PALLD: variants seen among roughly 807,000 people sequenced by gnomAD.
PALLD encodes the protein palladin, cytoskeletal associated protein.
Under a neutral mutation model 123.5 loss-of-function variants are expected in PALLD, and 61 were observed. That is an observed-to-expected ratio of 0.49 (90% CI 0.40 to 0.61). The LOEUF is 0.61. Ranked by LOEUF, PALLD falls within the 20% of genes least tolerant of loss-of-function variation. The pLI is 0.00. For synonymous variants in PALLD, 465 were observed against 496.4 expected, an observed-to-expected ratio of 0.94 and a Z score of 0.84; for missense variants, 1,273 against 1,377.0, an observed-to-expected ratio of 0.92 and a Z score of 1.20.
intron 10 of PALLD, among the ~76,000 whole-genome samples, chr4:168,812,489 G>A (rs1741308727): frequency 1.3e-5 from 2 of 152,170 alleles, no homozygotes; most frequent in Non-Finnish European, 2.9e-5. Flanking sequence ...GGAACAGGGA[G>A]TTGGGCAGAA....
intron 10 of PALLD, among the ~76,000 whole-genome samples, chr4:168,840,642 CTAAAAG>C (rs1016815877): frequency 6.6e-5 from 10 of 151,952 alleles, no homozygotes; most frequent in African/African-American, 2.4e-4. Context: ...GACAGCTCAC[CTAAAAG>C]TTATTTGGAA....
chr4:168,739,041 T>C (rs751116794), intron 10 of PALLD, among the ~76,000 whole-genome samples: 1 of 152,238 alleles, frequency 6.6e-6, no homozygotes, highest in Non-Finnish European at 1.5e-5. Context: ...TTTCTTTGTC[T>C]GGATTATTTC....
intron 10 of PALLD, among the ~76,000 whole-genome samples, chr4:168,747,945 C>T (rs761981837): frequency 3.9e-5 from 6 of 152,100 alleles, no homozygotes; most frequent in Non-Finnish European, 8.8e-5. Context: ...TGGGAAAAGT[C>T]GGATCCTTTT....
chr4:168,883,133 T>C (rs1752857641), intron 10 of PALLD, among the ~76,000 whole-genome samples: 1 of 152,150 alleles, frequency 6.6e-6, no homozygotes, highest in South Asian at 2.1e-4. Flanking sequence ...TCATTTTCTT[T>C]TTTAAAGAAC....
At chr4:168,609,192 T>G (rs1773489928) in intron 2 of PALLD, among the ~76,000 whole-genome samples, 1 of 151,902 alleles carries the variant, frequency 6.6e-6, no homozygotes, top group Non-Finnish European at 1.5e-5. Context: ...TTGCAGTGGC[T>G]TACATTAATA....
Position 168,913,954 on chromosome 4 carries a change from A to G in PALLD, c.2650A>G (p.Met884Val), listed in dbSNP as rs1438781222. ...QGRISCTGRL[M>V]VQAVNQRGRS... ...CCGCATCAGTTGTACTGGACGGCTA[A>G]TGGTACAGGCTGTCAACCAAAGAGG... Residue 884 changes from methionine (M) to valine (V), a missense_variant, in exon 16 of 22, where the codon ATG becomes GTG. By Grantham distance (21) the Met-to-Val change is conservative. Transcript: ENST00000505667. 1.9e-6 allele frequency: 3 copies of G among 1,612,978 alleles called. No homozygotes were observed. Among genetic ancestry groups the G allele is most frequent in the Non-Finnish European group, 2.5e-6 (3 of 1,178,940 alleles).
intron 10 of PALLD, among the ~76,000 whole-genome samples, chr4:168,772,194 G>A (rs1309279100): frequency 6.6e-6 from 1 of 152,096 alleles, no homozygotes; most frequent in Non-Finnish European, 1.5e-5. Context: ...TTCTTAAAAC[G>A]ACTAGAGGGA....
intron 10 of PALLD, among the ~76,000 whole-genome samples, chr4:168,860,553 G>C (rs1467394908): frequency 6.6e-6 from 1 of 152,230 alleles, no homozygotes; most frequent in Non-Finnish European, 1.5e-5. Context: ...GCCAGGCGCA[G>C]TGGCTACTGC....
rs539598697 is a variant in PALLD, at chr4:168,789,481, C to T, written c.1964+77558C>T. The stretch of plus-strand genomic sequence containing the variant: ...CAGCACTTTGGGAGGCCGAGGCAGG[C>T]GGATCACAAGGTCAAGAGATTGAGA... On this transcript the variant is annotated intron_variant, in intron 10 of 21. Transcript: ENST00000505667. Among the ~76,000 whole-genome samples the T allele has an allele frequency of 1.1e-3, 161 of 152,118 alleles. 1 individual carries two copies. Among genetic ancestry groups the T allele is most frequent in the African/African-American group, 3.4e-3 (143 of 41,498 alleles).
chr4:168,675,258 G>C (rs1201728296), intron 3 of PALLD, among the ~76,000 whole-genome samples: 3 of 152,220 alleles, frequency 2.0e-5, no homozygotes, highest in African/African-American at 7.2e-5. Context: ...AGGAGGAGAG[G>C]AGGGCAGGGC....
intron 7 of PALLD, 72 bp downstream of exon 7, chr4:168,690,816 CTAAGTCAT>C (rs1450965525): frequency 6.9e-7 from 1 of 1,450,530 alleles, no homozygotes; most frequent in Non-Finnish European, 9.7e-7. Flanking sequence ...CCAAGAAGGG[CTAAGTCAT>C]TAAGATGAAT....
At chr4:168,559,171 A>G (rs1336194453) in intron 2 of PALLD, among the ~76,000 whole-genome samples, 1 of 150,298 alleles carries the variant, frequency 6.7e-6, no homozygotes, top group Non-Finnish European at 1.5e-5. Flanking sequence ...AGCCATAACA[A>G]GATTTTTACA....
Position 168,620,734 on chromosome 4 carries a change from G to A in PALLD, c.909-47456G>A, listed in dbSNP as rs551231330. Among the ~76,000 whole-genome samples, 3 of 152,298 alleles carry A rather than the reference G, an allele frequency of 2.0e-5. No individual in the cohort carries two copies. In the South Asian group the frequency reaches 6.2e-4, roughly 32 times the overall value. ...TTTGGGAAAAGACAGCAGCATGCTT[G>A]TTAATGGAAGATCCTAGACTTCAGA... On this transcript the variant is annotated intron_variant, in intron 2 of 21. Coordinates refer to ENST00000505667, the MANE Select transcript of PALLD (RefSeq NM_001166108.2).
At chr4:168,918,249 T>C (rs535053238) in intron 17 of PALLD, among the ~76,000 whole-genome samples, 3 of 151,196 alleles carry the variant, frequency 2.0e-5, no homozygotes, top group South Asian at 2.1e-4. Context: ...CCCATGTTCA[T>C]TGCAGCACTA....
At chr4:168,775,289 G>A (rs1735026465) in intron 10 of PALLD, among the ~76,000 whole-genome samples, 2 of 152,258 alleles carry the variant, frequency 1.3e-5, no homozygotes, top group Admixed American at 6.5e-5. Flanking sequence ...CTTCCCTAAT[G>A]ACTGATGATT....
At chr4:168,846,870 A>G (rs1277338048) in intron 10 of PALLD, among the ~76,000 whole-genome samples, 1 of 152,232 alleles carries the variant, frequency 6.6e-6, no homozygotes, top group East Asian at 1.9e-4. Context: ...ACTACTAGAA[A>G]TAAGCAATTC....
chr4:168,681,544 T>TTTTTTTTTTTTTTTTTTG (rs1781550957), intron 4 of PALLD, 146 bp downstream of exon 4: 1 of 388,832 alleles, frequency 2.6e-6, no homozygotes, highest in Non-Finnish European at 4.6e-6. Context: ...AACACAATTT[T>TTTTTTTTTTTTTTTTTTG]TTTTTTTTTT....
intron 14 of PALLD, among the ~76,000 whole-genome samples, chr4:168,902,602 A>G (rs2151296532): frequency 6.6e-6 from 1 of 152,200 alleles, no homozygotes; most frequent in Non-Finnish European, 1.5e-5. Context: ...AGACTGCACC[A>G]CCGCACTCTG....
At chr4:168,846,346 A>G (rs1349266992) in intron 10 of PALLD, among the ~76,000 whole-genome samples, 1 of 152,232 alleles carries the variant, frequency 6.6e-6, no homozygotes, top group East Asian at 1.9e-4. Flanking sequence ...AGCTATAGGT[A>G]CTTGGTGATT....
Sources: allele counts gnomAD v4.1 joint callset (sites outside exome capture counted in the v4.1 genomes callset), GRCh38; gene constraint gnomAD v4.1.1; transcripts MANE v1.5; gene names NCBI Gene and HGNC (gene_info 2026-07-23, HGNC 2026-07-21).